Variants in CELSR2 observed in about 807,000 individuals in gnomAD.
CELSR2 encodes the protein cadherin EGF LAG seven-pass G-type receptor 2, also known as EGF-like protein 2.
A neutral mutation model predicts 251.6 loss-of-function variants in CELSR2; 81 were observed. The ratio of observed to expected loss-of-function variants is 0.32; its 90% CI spans 0.27 to 0.39. The LOEUF is 0.39. CELSR2 is among the 10% of genes least tolerant of loss of function. The pLI is 1.00. For synonymous variants in CELSR2, 1,721 were observed against 1,670.5 expected (o/e 1.03, Z -0.74); for missense variants, 3,365 against 3,947.7 (o/e 0.85, Z 3.96).
chr1:109,274,496 G>A lies in CELSR2; in HGVS notation c.*447G>A. The A allele has an allele frequency of 4.9e-6, 1 of 202,768 alleles. No individual in the cohort carries two copies. Among genetic ancestry groups the A allele is most frequent in the East Asian group, 1.2e-4 (1 of 8,250 alleles). The allele number at this position is 202,768 out of a possible 1,614,324, so 12.6% of individuals were successfully genotyped here. Reference sequence around the variant, plus strand: ...GCCTCTGGGAGGAGAGGGACTCCTGGGGGGCCTGCCCCTCATACGCCATCA... The same window carrying A: ...GCCTCTGGGAGGAGAGGGACTCCTGAGGGGCCTGCCCCTCATACGCCATCA... On this transcript the variant is annotated 3_prime_UTR_variant, in exon 34 of 34. Coordinates refer to ENST00000271332, the MANE Select transcript of CELSR2 (RefSeq NM_001408.3).
chr1:109,250,143 C>T lies in CELSR2; in HGVS notation c.64C>T (p.Leu22=), dbSNP rs765164327. Residue 22 remains leucine, a synonymous_variant, in exon 1 of 34, where the codon CTG becomes TTG. Coordinates refer to ENST00000271332, the MANE Select transcript of CELSR2 (RefSeq NM_001408.3). This position sits in a 1 kb window ranked among gnomAD's most constrained non-coding sequence, Gnocchi z 4.4. ...TPPPPLLLLL[L]LLLPPPLLGD... ...GCCGCCGCCGCTGCTGCTGCTGTTG[C>T]TGCTGCTGCTGCCGCCGCCACTATT... 1.4e-5 allele frequency: 21 copies of T among 1,520,960 alleles called. No homozygotes were observed. Among genetic ancestry groups the T allele is most frequent in the Admixed American group, 7.3e-5 (4 of 54,680 alleles). The allele number at this position is 1,520,960 out of a possible 1,614,324, so 94.2% of individuals were successfully genotyped here.
chr1:109,273,595 A>G lies in CELSR2; in HGVS notation c.8669A>G (p.Glu2890Gly). Residue 2890 changes from glutamate (E) to glycine (G), a missense_variant, in exon 33 of 34, where the codon GAG becomes GGG. Glu to Gly is a moderately conservative substitution (Grantham distance 98). Transcript: ENST00000271332. ...CCACCGCCCCGGCAGAGCCTCCAGG[A>G]GCAGCTGAACGGGGTCATGCCCATC... The part of the protein sequence containing the change: ...PRPPPRQSLQ[E>G]QLNGVMPIAM... 1 of 1,554,806 alleles carries G rather than the reference A, an allele frequency of 6.4e-7. No homozygotes were observed. Among genetic ancestry groups the G allele is most frequent in the South Asian group, 1.2e-5 (1 of 84,914 alleles).
chr1:109,267,202 G>C (rs1044351369), intron 15 of CELSR2, among the ~76,000 whole-genome samples: 10 of 152,016 alleles, frequency 6.6e-5, no homozygotes, highest in Non-Finnish European at 1.2e-4. Context: ...TGCTGACCCA[G>C]GACACCCAGC....
At chr1:109,265,054 C>T (rs1351424933) in intron 12 of CELSR2, 45 bp downstream of exon 12, 1 of 1,612,928 alleles carries the variant, frequency 6.2e-7, no homozygotes, top group South Asian at 1.1e-5. Flanking sequence ...GTGGCTGCTG[C>T]TTCTCTCTGG....
At chr1:109,263,004 C>T in intron 7 of CELSR2, 35 bp downstream of exon 7, 1 of 1,604,780 alleles carries the variant, frequency 6.2e-7, no homozygotes, top group South Asian at 1.1e-5. Context: ...GGCTGGGATC[C>T]CAGTGCTGAG....
Position 109,271,721 on chromosome 1 carries a change from C to T in CELSR2, c.7925C>T (p.Ser2642Leu), listed in dbSNP as rs1200260481. The change falls in exon 28 of 34, where the codon TCG becomes TTG. Residue 2642 changes from serine to leucine, a missense_variant and splice_region_variant. Around this residue, in one of 5 missense-constraint regions of CELSR2, gnomAD observed 2,093 missense variants for 2,382.8 expected, o/e 0.88. Transcript: ENST00000271332. Reference protein sequence around the residue: ...PALTTKSTLTSSYNCPSPYAD... With the variant: ...PALTTKSTLTLSYNCPSPYAD... ...CTGACCACCAAGTCCACCCTGACCT[C>T]GGTGAGGGAGCCAGGGGTCTCAGGA... 2 of 1,613,562 alleles carry T rather than the reference C, an allele frequency of 1.2e-6. No homozygotes were observed. The highest frequency in any genetic ancestry group is 1.6e-4 in the Middle Eastern group (1 of 6,084).
At position 109,273,327 on chromosome 1, in the gene CELSR2, C is replaced by T. The variant is rs764609131; in HGVS notation, c.8500C>T (p.Pro2834Ser). ...CCCCCTTCCAGGCTCTTCTGCCCAG[C>T]CTCACAAAGGTGAGTGGGGCACCCC... The part of the protein sequence containing the change: ...LGPLPGSSAQ[P>S]HKGILKKKCL... The change falls in exon 32 of 34, where the codon CCT (proline) becomes TCT (serine). Residue 2834 changes from proline to serine, a missense_variant. Physicochemically the swap from Pro to Ser is moderately conservative, Grantham distance 74. Coordinates refer to ENST00000271332, the MANE Select transcript of CELSR2 (RefSeq NM_001408.3). 6.3e-7 allele frequency: 1 copy of T among 1,597,834 alleles called. No homozygotes were observed. The highest frequency in any genetic ancestry group is 8.5e-7 in the Non-Finnish European group (1 of 1,171,734).
At position 109,249,808 on chromosome 1, in the gene CELSR2, G is replaced by C. The variant is rs1487572696; in HGVS notation, c.-272G>C. ...GGGCCCCCGGGCGCAGGTGGTGAGTGCCCGGAGCGCAGGTGGAGGCGCGGC... is the reference window on the plus strand; with the variant it reads ...GGGCCCCCGGGCGCAGGTGGTGAGTCCCCGGAGCGCAGGTGGAGGCGCGGC... On this transcript the variant is annotated 5_prime_UTR_variant, in exon 1 of 34. Coordinates refer to ENST00000271332, the MANE Select transcript of CELSR2 (RefSeq NM_001408.3). 6.7e-6 allele frequency among the ~76,000 whole-genome samples: 1 copy of C among 149,956 alleles called. No individual in the cohort carries two copies. Among genetic ancestry groups the C allele is most frequent in the South Asian group, 2.1e-4 (1 of 4,832 alleles).
chr1:109,261,254 C>T lies in CELSR2; in HGVS notation c.4171C>T (p.Leu1391=). Residue 1391 remains leucine, a synonymous_variant, in exon 3 of 34, where the codon CTG becomes TTG. Transcript: ENST00000271332. The surrounding 1 kb of genome is among the most constrained non-coding windows in gnomAD (Gnocchi z 4.8). ...CCTGCGCCAGCGTTTCCACTTCACC[C>T]TGGCCCTCTCGTGAGTGGCTGGGCA... ...RGLRQRFHFT[L]ALSFATKERD... The T allele has an allele frequency of 6.2e-7, 1 of 1,613,154 alleles. No individual in the cohort carries two copies.
In CELSR2 at chr1:109,272,838, G is replaced by C; in HGVS notation, c.8149G>C (p.Asp2717His). Residue 2717 changes from aspartate to histidine, a missense_variant, in exon 31 of 34, where the codon GAC (aspartate) becomes CAC (histidine). Physicochemically the swap from Asp to His is moderately conservative, Grantham distance 81. Transcript: ENST00000271332. ...LEGQDQQHDP[D>H]TDSDSDLSLE... Reference sequence around the variant, plus strand: ...ATCTCTCCCTGGCCTCCTAGATCCTGACACGGACTCCGACAGTGACCTGTC... The same window carrying C: ...ATCTCTCCCTGGCCTCCTAGATCCTCACACGGACTCCGACAGTGACCTGTC... 1.9e-6 allele frequency: 3 copies of C among 1,613,206 alleles called. No individual in the cohort carries two copies. Among genetic ancestry groups the C allele is most frequent in the Non-Finnish European group, 2.5e-6 (3 of 1,179,314 alleles).
chr1:109,272,294 G>C lies in CELSR2; in HGVS notation c.7943G>C (p.Ser2648Thr), dbSNP rs1443313323. 1.2e-6 allele frequency: 2 copies of C among 1,605,246 alleles called. No individual in the cohort carries two copies. The highest frequency in any genetic ancestry group is 2.2e-5 in the South Asian group (2 of 90,508). Residue 2648 changes from serine (S) to threonine (T), a missense_variant, in exon 29 of 34, where the codon AGC (serine) becomes ACC (threonine). Transcript: ENST00000271332. ...STLTSSYNCP[S>T]PYADGRLYQP... ...CCTGCCTAGTCCTACAACTGCCCCA[G>C]CCCCTACGCAGATGGGCGGCTGTAC...
chr1:109,263,722 C>G lies in CELSR2; in HGVS notation c.4946C>G (p.Ala1649Gly). Reference protein sequence around the residue: ...YLSLMFRTRQADGVLLQAITR... With the variant: ...YLSLMFRTRQGDGVLLQAITR... ...AGCCTCATGTTCCGCACGCGCCAGGCCGACGGTGTCCTGCTGCAGGCCATC... is the reference window on the plus strand; with the variant it reads ...AGCCTCATGTTCCGCACGCGCCAGGGCGACGGTGTCCTGCTGCAGGCCATC... Residue 1649 changes from alanine (A) to glycine (G), a missense_variant, in exon 9 of 34, where the codon GCC (alanine) becomes GGC (glycine). Around this residue, in one of 5 missense-constraint regions of CELSR2, gnomAD observed 2,093 missense variants for 2,382.8 expected, o/e 0.88. Transcript: ENST00000271332. 1 of 1,613,918 alleles carries G rather than the reference C, an allele frequency of 6.2e-7. No homozygotes were observed. The highest frequency in any genetic ancestry group is 8.5e-7 in the Non-Finnish European group (1 of 1,179,996).
chr1:109,260,553 G>A (rs988808062), intron 2 of CELSR2, among the ~76,000 whole-genome samples: 1 of 152,190 alleles, frequency 6.6e-6, no homozygotes, highest in Non-Finnish European at 1.5e-5. Flanking sequence ...CTCAGTGCCT[G>A]AGAGGGACAA....
At chr1:109,267,128 A>G (rs1287034233) in intron 15 of CELSR2, among the ~76,000 whole-genome samples, 2 of 152,086 alleles carry the variant, frequency 1.3e-5, no homozygotes, top group African/African-American at 2.4e-5. Context: ...TCGTCAGCTC[A>G]CCACCGAGTC....
rs1656461013 is a variant in CELSR2, at chr1:109,274,214, C to G, written c.*165C>G. ...TGGGCCTTGCCGGGAGGGGTACTCA[C>G]CCCACCTAAGGCCATCTAGTGCCAA... is the stretch of plus-strand genomic sequence containing the variant. On this transcript the variant is annotated 3_prime_UTR_variant, in exon 34 of 34. Coordinates refer to ENST00000271332, the MANE Select transcript of CELSR2 (RefSeq NM_001408.3). 1 of 1,529,304 alleles carries G rather than the reference C, an allele frequency of 6.5e-7. No individual in the cohort carries two copies. Among genetic ancestry groups the G allele is most frequent in the South Asian group, 1.2e-5 (1 of 81,430 alleles). 94.7% of individuals were successfully genotyped at this position (1,529,304 alleles called of 1,614,324 possible).
At chr1:109,273,928 G>A in intron 33 of CELSR2, 94 bp from the exon 34 acceptor site, 2 of 1,524,356 alleles carry the variant, frequency 1.3e-6, no homozygotes, top group South Asian at 1.1e-5. Context: ...GTGCTTTCCT[G>A]TTTCCTTCGT....
chr1:109,251,712 G>T lies in CELSR2; in HGVS notation c.1633G>T (p.Ala545Ser). Residue 545 changes from alanine (A) to serine (S), a missense_variant, in exon 1 of 34, where the codon GCT becomes TCT. Around this residue, in one of 5 missense-constraint regions of CELSR2, gnomAD observed 704 missense variants for 784.1 expected, o/e 0.90. Coordinates refer to ENST00000271332, the MANE Select transcript of CELSR2 (RefSeq NM_001408.3). The surrounding 1 kb of genome is among the most constrained non-coding windows in gnomAD (Gnocchi z 4.9). ...GDNARLEYRLAGVGHDFPFTI... is the reference protein window; with the variant it reads ...GDNARLEYRLSGVGHDFPFTI... ...CAATGCCCGCCTGGAATACCGCCTT[G>T]CTGGGGTGGGACATGACTTCCCCTT... 6.2e-7 allele frequency: 1 copy of T among 1,614,102 alleles called. No homozygotes were observed.
Position 109,264,347 on chromosome 1 carries a change from C to T in CELSR2, c.5271C>T (p.Gly1757=). The change falls in exon 10 of 34, where the codon GGC becomes GGT. Residue 1757 remains glycine (G), a synonymous_variant. Transcript: ENST00000271332. The part of the protein sequence containing the change: ...IPGPAGGVAR[G]FRGCLQGVRV... ...GGCCAGCCGGCGGTGTGGCCCGTGG[C>T]TTTCGGGGCTGTTTGCAGGTGAGTG... The T allele has an allele frequency of 6.2e-7, 1 of 1,608,438 alleles. No homozygotes were observed.
Position 109,249,541 on chromosome 1 carries a change from A to G in CELSR2, c.-539A>G, listed in dbSNP as rs1270431473. On this transcript the variant is annotated 5_prime_UTR_variant, in exon 1 of 34. Coordinates refer to ENST00000271332, the MANE Select transcript of CELSR2 (RefSeq NM_001408.3). The stretch of plus-strand genomic sequence containing the variant: ...TAATGAGCCGCCGCCGCGACTCTGC[A>G]GAGCTCGCCCGCCCGCCGGGGAGGC... 2.0e-5 allele frequency among the ~76,000 whole-genome samples: 3 copies of G among 150,462 alleles called. No individual in the cohort carries two copies. Among genetic ancestry groups the G allele is most frequent in the Middle Eastern group, 3.5e-3 (1 of 284 alleles).
Sources: allele counts gnomAD v4.1 joint callset (sites outside exome capture counted in the v4.1 genomes callset), GRCh38; gene constraint gnomAD v4.1.1; regional missense constraint gnomAD v4.1.1; non-coding constraint Gnocchi (gnomAD v3.1); transcripts MANE v1.5; gene names NCBI Gene and HGNC (gene_info 2026-07-23, HGNC 2026-07-21).